The following PRR12 variants were observed in gnomAD, a reference collection of about 807,000 sequenced individuals.
The protein encoded by PRR12 is proline-rich protein 12.
Under a neutral mutation model 138.0 loss-of-function variants are expected in PRR12, and 12 were observed. The observed-to-expected ratio is 0.09, with a 90% CI of 0.06 to 0.14. PRR12 has a LOEUF of 0.14. Ranked by LOEUF, PRR12 falls within the 10% of genes least tolerant of loss-of-function variation. The probability of loss-of-function intolerance (pLI) is 1.00; values close to 1 mark genes in which losing one functional copy is unlikely to be tolerated. For synonymous variants in PRR12, 1,567 were observed against 1,291.7 expected, an observed-to-expected ratio of 1.21 and a Z score of -4.57; for missense variants, 2,692 against 2,861.3, an observed-to-expected ratio of 0.94 and a Z score of 1.35.
chr19:49,608,412 T>C (rs947167357), intron 6 of PRR12, among the ~76,000 whole-genome samples: 2 of 152,092 alleles, frequency 1.3e-5, no homozygotes, highest in African/African-American at 4.8e-5. Context: ...ACGCGATCTC[T>C]GCTCACTGCA....
In PRR12 at chr19:49,596,460, A is replaced by G; in HGVS notation, c.2125A>G (p.Ser709Gly). The G allele has an allele frequency of 6.2e-7, 1 of 1,611,216 alleles. No homozygotes were observed. ...GCAGAGTGTCATCCGCACCAGTGCC[A>G]GCCTGGATGAGGGTGCCACTGCGGC... The part of the protein sequence containing the change: ...HLQSVIRTSA[S>G]LDEGATAALE... Residue 709 changes from serine to glycine, a missense_variant, in exon 4 of 14, where the codon AGC becomes GGC. Ser to Gly is a moderately conservative substitution (Grantham distance 56, BLOSUM62 0). This residue lies in a region of PRR12 where 840 missense variants were observed against 689.8 expected (regional missense o/e 1.22). Transcript: ENST00000418929. This position sits in a 1 kb window ranked among gnomAD's most constrained non-coding sequence, Gnocchi z 5.6.
chr19:49,591,608 C>CCCA lies in PRR12; in HGVS notation c.-47_-46insCCA. The CCCA allele has an allele frequency of 2.3e-6, 1 of 437,290 alleles. No individual in the cohort carries two copies. The allele number at this position is 437,290 out of a possible 1,614,324, so 27.1% of individuals were successfully genotyped here. ...AGGAGAGCGCGCGCGCGCCCCCTCC[C>CCCA]TCCCTCCCTCCCTCCCCCTCCCCCC... On this transcript the variant is annotated 5_prime_UTR_variant, in exon 1 of 14. Transcript: ENST00000418929.
At position 49,595,853 on chromosome 19, in the gene PRR12, G is replaced by A. The variant is rs750297120; in HGVS notation, c.1518G>A (p.Leu506=). ...SYSPDQLQGQ[L]YGVQGEPYPG... ...CCCCGGACCAGCTGCAGGGGCAGCT[G>A]TATGGGGTGCAGGGCGAGCCATACC... Residue 506 remains leucine, a synonymous_variant, in exon 4 of 14, where the codon CTG becomes CTA. Coordinates refer to ENST00000418929, the MANE Select transcript of PRR12 (RefSeq NM_020719.3). 2 of 1,601,762 alleles carry A rather than the reference G, an allele frequency of 1.2e-6. No homozygotes were observed. The highest frequency in any genetic ancestry group is 2.2e-5 in the East Asian group (1 of 44,738).
rs201023608 is a variant in PRR12 at position 49,594,554 on chromosome 19, C to T, written c.300C>T (p.Pro100=). The T allele has an allele frequency of 1.9e-6, 3 of 1,613,050 alleles. No individual in the cohort carries two copies. Among genetic ancestry groups the T allele is most frequent in the East Asian group, 4.5e-5 (2 of 44,870 alleles). Residue 100 remains proline (P), a synonymous_variant, in exon 3 of 14, where the codon CCC becomes CCT. Transcript: ENST00000418929. The surrounding 1 kb of genome is among the most constrained non-coding windows in gnomAD (Gnocchi z 5.6). ...NLISALESRG[P]QPGPSASSLL... ...TCTCGGCCCTGGAATCCCGGGGCCC[C>T]CAGCCTGGCCCCTCCGCCTCCTCTC...
chr19:49,621,873 C>T lies in PRR12; in HGVS notation c.5721+251C>T, dbSNP rs926909223. 6.4e-5 allele frequency: 33 copies of T among 519,280 alleles called. 1 individual carries two copies. In the Admixed American group the frequency reaches 7.8e-4, roughly 12 times the overall value. 32.2% of individuals were successfully genotyped at this position (519,280 alleles called of 1,614,324 possible). On this transcript the variant is annotated intron_variant, in intron 11 of 13. Transcript: ENST00000418929. Reference sequence around the variant, plus strand: ...GTTGTGAAAGGCTGGGCTGTTGTTTCGGAGAACAAGTGTGCAGCCAAACAT... The same window carrying T: ...GTTGTGAAAGGCTGGGCTGTTGTTTTGGAGAACAAGTGTGCAGCCAAACAT...
In PRR12 at chr19:49,597,092, A is replaced by G. The variant is rs2080776869; in HGVS notation, c.2757A>G (p.Gln919=). The G allele has an allele frequency of 6.4e-7, 1 of 1,551,566 alleles. No homozygotes were observed. The highest frequency in any genetic ancestry group is 8.7e-7 in the Non-Finnish European group (1 of 1,147,792). ...GCGCCTACCGCAGCCCCAGCCCGCA[A>G]GGCACCAAGGCGCCGCGTTTCGTGC... ...PAGAYRSPSP[Q]GTKAPRFVPL... Residue 919 remains glutamine (Q), a synonymous_variant, in exon 4 of 14, where the codon CAA becomes CAG. Transcript: ENST00000418929. The surrounding 1 kb of genome is among the most constrained non-coding windows in gnomAD (Gnocchi z 6.3).
At chr19:49,624,172 T>TG (rs1230682896) in intron 11 of PRR12, among the ~76,000 whole-genome samples, 4 of 150,076 alleles carry the variant, frequency 2.7e-5, no homozygotes, top group Non-Finnish European at 4.4e-5. Context: ...GTGGTTACGA[T>TG]GGGGCTGAGA....
rs1217875795 is a variant in PRR12, at chr19:49,597,033, G to T, written c.2698G>T (p.Gly900Cys). 6.4e-7 allele frequency: 1 copy of T among 1,557,710 alleles called. No individual in the cohort carries two copies. Residue 900 changes from glycine (G) to cysteine (C), a missense_variant, in exon 4 of 14, where the codon GGC becomes TGC. By Grantham distance (159) the Gly-to-Cys change is radical. This residue lies in a region of PRR12 where 840 missense variants were observed against 689.8 expected (regional missense o/e 1.22). Transcript: ENST00000418929. This position sits in a 1 kb window ranked among gnomAD's most constrained non-coding sequence, Gnocchi z 6.3. Reference sequence around the variant, plus strand: ...CCCGGCGCCTGGGGATACTGGCGTAGGCCCACCAAACTCGGAGGGCAAGGA... The same window carrying T: ...CCCGGCGCCTGGGGATACTGGCGTATGCCCACCAAACTCGGAGGGCAAGGA... The part of the protein sequence containing the change: ...LPPAPGDTGV[G>C]PPNSEGKDPA...
intron 6 of PRR12, among the ~76,000 whole-genome samples, chr19:49,604,144 T>G (rs1432584495): frequency 6.6e-6 from 1 of 152,118 alleles, no homozygotes; most frequent in East Asian, 1.9e-4. Flanking sequence ...AAGTGTGTTT[T>G]TTGAGGCAAA....
At chr19:49,619,851 CTTTTT>C (rs55707507) in intron 9 of PRR12, among the ~76,000 whole-genome samples, 8 of 53,936 alleles carry the variant, frequency 1.5e-4, no homozygotes, top group Admixed American at 6.0e-4. Context: ...CAATGCCTGG[CTTTTT>C]TTTTTTTTTT....
rs764767793 is a variant in PRR12, at chr19:49,616,134, GGCAGGCGGCAACGCTACA to G, written c.5421_5438del (p.Asn1808_Gly1813del). 11 of 1,567,106 alleles carry G rather than the reference GGCAGGCGGCAACGCTACA, an allele frequency of 7.0e-6. No individual in the cohort carries two copies. The highest frequency in any genetic ancestry group is 1.7e-4 in the Middle Eastern group (1 of 5,988). ...AGAAGAGGAAGAAATGGCTGAAGGA[GGCAGGCGGCAACGCTACA>G]GCAGGCGGGGGCCCACCAGGCAGCT... On this transcript the variant is annotated inframe_deletion, in exon 9 of 14. Transcript: ENST00000418929. The surrounding 1 kb of genome is among the most constrained non-coding windows in gnomAD (Gnocchi z 4.2).
In PRR12 at chr19:49,594,416, C is replaced by T. The variant is rs745411779; in HGVS notation, c.200-38C>T. ...TTCTCTCTTGACTGTATCCTACCCA[C>T]CCCCACCTGGCTGACTATAACCCCT... On this transcript the variant is annotated intron_variant, in intron 2 of 13. Coordinates refer to ENST00000418929, the MANE Select transcript of PRR12 (RefSeq NM_020719.3). This position sits in a 1 kb window ranked among gnomAD's most constrained non-coding sequence, Gnocchi z 5.6. 1 of 1,511,020 alleles carries T rather than the reference C, an allele frequency of 6.6e-7. No homozygotes were observed. The highest frequency in any genetic ancestry group is 8.9e-7 in the Non-Finnish European group (1 of 1,124,616). 93.6% of individuals were successfully genotyped at this position (1,511,020 alleles called of 1,614,324 possible). A position where few individuals can be genotyped will look rare whatever the true frequency, so the allele number is the denominator to read the frequency against.
At chr19:49,602,529 A>T (rs1004131800) in intron 6 of PRR12, among the ~76,000 whole-genome samples, 18 of 152,256 alleles carry the variant, frequency 1.2e-4, no homozygotes, top group African/African-American at 3.9e-4. Context: ...TGAATCATTT[A>T]GGAATGGTTA....
chr19:49,611,137 T>C (rs2080863932), intron 6 of PRR12, among the ~76,000 whole-genome samples: 1 of 151,762 alleles, frequency 6.6e-6, no homozygotes, highest in Non-Finnish European at 1.5e-5. Context: ...CCACTGCGCC[T>C]GGCCATGAAA....
intron 10 of PRR12, among the ~76,000 whole-genome samples, chr19:49,621,258 G>T (rs1461065672): frequency 7.1e-6 from 1 of 141,190 alleles, no homozygotes; most frequent in Non-Finnish European, 1.5e-5. Flanking sequence ...GGGGCTGGGG[G>T]TCTGGACTCC....
chr19:49,612,963 GC>G (rs759793584), intron 6 of PRR12, among the ~76,000 whole-genome samples: 12 of 151,928 alleles, frequency 7.9e-5, no homozygotes, highest in Admixed American at 5.3e-4. Context: ...ACTCAGCCTG[GC>G]CCCCCTTTTA....
Position 49,595,558 on chromosome 19 carries a change from C to T in PRR12, c.1223C>T (p.Pro408Leu), listed in dbSNP as rs558152320. 339 of 1,588,526 alleles carry T rather than the reference C, an allele frequency of 2.1e-4. 1 individual carries two copies. The highest frequency in any genetic ancestry group is 3.4e-4 in the Middle Eastern group (2 of 5,878). Reference protein sequence around the residue: ...AAAGGATRPPPPRSTATPKCQ... With the variant: ...AAAGGATRPPLPRSTATPKCQ... ...GCCGGGGGTGCCACCAGGCCCCCCC[C>T]ACCCCGTTCGACCGCCACCCCCAAA... is the stretch of plus-strand genomic sequence containing the variant. The change falls in exon 4 of 14, where the codon CCA becomes CTA. Residue 408 changes from proline (P) to leucine (L), a missense_variant. Physicochemically the swap from Pro to Leu is moderately conservative, Grantham distance 98. Around this residue, in one of 11 missense-constraint regions of PRR12, gnomAD observed 523 missense variants for 496.4 expected, o/e 1.05. Transcript: ENST00000418929.
At position 49,597,783 on chromosome 19, in the gene PRR12, G is replaced by T. The variant is rs1156801402; in HGVS notation, c.3448G>T (p.Asp1150Tyr). ...IDFCPPNPGP[D>Y]GPRRRGRKPT... ...CTTCTGCCCACCCAACCCAGGACCCGATGGCCCCCGGCGCCGTGGCCGCAA... is the reference window on the plus strand; with the variant it reads ...CTTCTGCCCACCCAACCCAGGACCCTATGGCCCCCGGCGCCGTGGCCGCAA... The change falls in exon 4 of 14, where the codon GAT becomes TAT. Residue 1150 changes from aspartate to tyrosine, a missense_variant. By Grantham distance (160) the Asp-to-Tyr change is radical. This residue lies in a region of PRR12 where 326 missense variants were observed against 344.2 expected (regional missense o/e 0.95). Coordinates refer to ENST00000418929, the MANE Select transcript of PRR12 (RefSeq NM_020719.3). This position sits in a 1 kb window ranked among gnomAD's most constrained non-coding sequence, Gnocchi z 6.3. 3 of 1,587,446 alleles carry T rather than the reference G, an allele frequency of 1.9e-6. No individual in the cohort carries two copies.
rs2080893087 is a variant in PRR12, at chr19:49,616,298, G to A, written c.5497+79G>A. On this transcript the variant is annotated intron_variant, in intron 9 of 13. Coordinates refer to ENST00000418929, the MANE Select transcript of PRR12 (RefSeq NM_020719.3). The surrounding 1 kb of genome is among the most constrained non-coding windows in gnomAD (Gnocchi z 4.2). ...GTGAGGGCTGTCCAGAGGGCTCCAG[G>A]TAGCCTTGGCAGGACAGTAAGAACC... The A allele has an allele frequency of 3.8e-6, 5 of 1,304,534 alleles. No individual in the cohort carries two copies. The South Asian group carries it at 6.2e-5, about 16-fold the overall frequency. 80.8% of individuals were successfully genotyped at this position (1,304,534 alleles called of 1,614,324 possible).
Sources: allele counts gnomAD v4.1 joint callset (sites outside exome capture counted in the v4.1 genomes callset), GRCh38; gene constraint gnomAD v4.1.1; regional missense constraint gnomAD v4.1.1; non-coding constraint Gnocchi (gnomAD v3.1); transcripts MANE v1.5; gene names NCBI Gene and HGNC (gene_info 2026-07-23, HGNC 2026-07-21).